The following CWH43 variants were observed in gnomAD, a reference collection of about 807,000 sequenced individuals.
CWH43 encodes PGAP2-interacting protein.
CWH43 carries 91 observed loss-of-function variants against 85.7 expected under a neutral mutation model. The observed-to-expected ratio is 1.06, with a 90% CI of 0.90 to 1.26. CWH43 has a LOEUF of 1.26. Ranked by LOEUF, CWH43 falls within the 50% of genes most tolerant of loss-of-function variation. CWH43 has a pLI of 0.00. For synonymous variants in CWH43, 323 were observed against 293.6 expected, an observed-to-expected ratio of 1.10 and a Z score of -1.02; for missense variants, 869 against 839.2, an observed-to-expected ratio of 1.04 and a Z score of -0.44.
At chr4:49,051,644 T>G (rs1232852267) in intron 15 of CWH43, among the ~76,000 whole-genome samples, 1 of 152,166 alleles carries the variant, frequency 6.6e-6, no homozygotes, top group Non-Finnish European at 1.5e-5. Flanking sequence ...TGGCATGATC[T>G]CAGCTCACTG....
At chr4:48,999,782 T>G (rs1782931306) in intron 6 of CWH43, among the ~76,000 whole-genome samples, 1 of 152,182 alleles carries the variant, frequency 6.6e-6, no homozygotes, top group African/African-American at 2.4e-5. Context: ...CTCCTTTACA[T>G]GTAACAGGGG....
chr4:49,004,262 A>G (rs1783083518), intron 7 of CWH43, among the ~76,000 whole-genome samples: 1 of 152,252 alleles, frequency 6.6e-6, no homozygotes, highest in South Asian at 2.1e-4. Context: ...GATTCAGTCC[A>G]TACTAAAGCG....
At chr4:48,987,979 A>T (rs1433456279) in intron 1 of CWH43, among the ~76,000 whole-genome samples, 1 of 152,116 alleles carries the variant, frequency 6.6e-6, no homozygotes, top group Non-Finnish European at 1.5e-5. Flanking sequence ...TCCTGACGGG[A>T]TGCCAAATTC....
At chr4:49,030,680 C>T in intron 10 of CWH43, 145 bp from the exon 11 acceptor site, 2 of 623,872 alleles carry the variant, frequency 3.2e-6, no homozygotes, top group Non-Finnish European at 4.8e-6. Flanking sequence ...TGAGCCACTT[C>T]TCTCTAGTGA....
Position 49,030,881 on chromosome 4 carries a change from A to G in CWH43, c.1429A>G (p.Asn477Asp). ...TGCTTCTAAGCCCTATATGGGGAAC[A>G]ATGACTTAACCATGTGGCTAGGGGA... ...SDASKPYMGN[N>D]DLTMWLGEKL... Residue 477 changes from asparagine (N) to aspartate (D), a missense_variant, in exon 11 of 16, where the codon AAT (asparagine) becomes GAT (aspartate). Transcript: ENST00000226432. The G allele has an allele frequency of 5.0e-6, 8 of 1,610,872 alleles. No homozygotes were observed. The highest frequency in any genetic ancestry group is 5.9e-6 in the Non-Finnish European group (7 of 1,178,860).
At chr4:49,017,170 G>C in intron 8 of CWH43, 79 bp from the exon 9 acceptor site, 1 of 1,169,130 alleles carries the variant, frequency 8.6e-7, no homozygotes, top group Non-Finnish European at 1.2e-6. Context: ...TGGAGCTGAG[G>C]CACTGAAGGT....
intron 7 of CWH43, among the ~76,000 whole-genome samples, chr4:49,005,563 CTTT>C (rs1267997352): frequency 3.9e-5 from 5 of 127,924 alleles, no homozygotes; most frequent in Admixed American, 7.9e-5. Flanking sequence ...TTTTTTTTTT[CTTT>C]TTTTTTTTTT....
chr4:49,017,422 A>G, intron 9 of CWH43, 94 bp downstream of exon 9: 1 of 854,750 alleles, frequency 1.2e-6, no homozygotes, highest in Non-Finnish European at 1.8e-6. Flanking sequence ...CCTGGATCTG[A>G]TGACTTCAGA....
At chr4:49,060,686 C>G (rs1449900602) in intron 15 of CWH43, among the ~76,000 whole-genome samples, 2 of 152,174 alleles carry the variant, frequency 1.3e-5, no homozygotes, top group Non-Finnish European at 2.9e-5. Context: ...TCTTATTTCT[C>G]TAATACATTC....
At chr4:49,006,631 GTAAACTT>G (rs1783165470) in intron 7 of CWH43, among the ~76,000 whole-genome samples, 4 of 152,278 alleles carry the variant, frequency 2.6e-5, no homozygotes, top group Admixed American at 2.6e-4. Context: ...GATGAAGTAA[GTAAACTT>G]TAAGTGTAAG....
At chr4:49,017,375 T>A (rs1398560468) in intron 9 of CWH43, 47 bp downstream of exon 9, 1 of 1,301,736 alleles carries the variant, frequency 7.7e-7, no homozygotes. Context: ...GGTATATATA[T>A]GTGCATATAT....
chr4:48,994,349 C>A lies in CWH43; in HGVS notation c.512-270C>A, dbSNP rs56945478. On this transcript the variant is annotated intron_variant, in intron 4 of 15. Coordinates refer to ENST00000226432, the MANE Select transcript of CWH43 (RefSeq NM_025087.3). ...TGCAATGCGTTAGCTTCACATGAAG[C>A]AAATAATTTTCTGCATTTTCACCTG... Among the ~76,000 whole-genome samples the A allele has an allele frequency of 5.8e-3, 881 of 152,282 alleles. 12 individuals are homozygous for A. Among genetic ancestry groups the A allele is most frequent in the African/African-American group, 0.021 (855 of 41,558 alleles).
intron 2 of CWH43, among the ~76,000 whole-genome samples, chr4:48,990,143 ATGGTAAGGG>A (rs1782613921): frequency 6.6e-6 from 1 of 152,188 alleles, no homozygotes; most frequent in Admixed American, 6.5e-5. Flanking sequence ...ACTTCTGGTG[ATGGTAAGGG>A]ATGTGATATA....
chr4:49,006,837 G>A (rs1414099738), intron 7 of CWH43, among the ~76,000 whole-genome samples: 3 of 152,118 alleles, frequency 2.0e-5, no homozygotes, highest in Admixed American at 6.6e-5. Context: ...CCTGGTGCAC[G>A]GAAGGGCTCT....
In CWH43 at chr4:49,038,103, G is replaced by A. The variant is rs1784317392; in HGVS notation, c.1726G>A (p.Val576Met). Residue 576 changes from valine (V) to methionine (M), a missense_variant, in exon 13 of 16, where the codon GTG becomes ATG. Val to Met is a conservative substitution (Grantham distance 21). Around this residue, in one of 3 missense-constraint regions of CWH43, gnomAD observed 577 missense variants for 513.1 expected, o/e 1.12. Coordinates refer to ENST00000226432, the MANE Select transcript of CWH43 (RefSeq NM_025087.3). Reference protein sequence around the residue: ...SKLLKSSSNQVIFLGYITSAP... With the variant: ...SKLLKSSSNQMIFLGYITSAP... ...ACTACTGAAAAGTAGCTCTAATCAA[G>A]TGATATTTCTGGGATATATCACTTC... The A allele has an allele frequency of 6.2e-7, 1 of 1,612,918 alleles. No homozygotes were observed. Among genetic ancestry groups the A allele is most frequent in the Non-Finnish European group, 8.5e-7 (1 of 1,179,404 alleles).
intron 1 of CWH43, among the ~76,000 whole-genome samples, chr4:48,987,365 T>C (rs558656304): frequency 6.6e-6 from 1 of 151,058 alleles, no homozygotes; most frequent in African/African-American, 2.5e-5. Context: ...GGGTTGAAAG[T>C]CCTATTTTGC....
chr4:49,031,777 G>T (rs1337642688), intron 11 of CWH43, among the ~76,000 whole-genome samples: 1 of 152,170 alleles, frequency 6.6e-6, no homozygotes, highest in Non-Finnish European at 1.5e-5. Context: ...AGAACCAACA[G>T]AACTTACAAT....
In CWH43 at chr4:49,050,717, A is replaced by T; in HGVS notation, c.1889A>T (p.His630Leu). 1 of 1,613,504 alleles carries T rather than the reference A, an allele frequency of 6.2e-7. No homozygotes were observed. Among genetic ancestry groups the T allele is most frequent in the Non-Finnish European group, 8.5e-7 (1 of 1,179,584 alleles). Residue 630 changes from histidine to leucine, a missense_variant, in exon 15 of 16, where the codon CAT becomes CTT. This residue lies in a region of CWH43 where 577 missense variants were observed against 513.1 expected (regional missense o/e 1.12). Coordinates refer to ENST00000226432, the MANE Select transcript of CWH43 (RefSeq NM_025087.3). ...LIRLGYARIS[H>L]AELSDSEIQM... is the part of the protein sequence containing the mutation. ...AGGTTGGGTTATGCAAGAATCTCCC[A>T]TGCTGAACTGAGTGATTCAGAAATT...
chr4:48,993,550 A>G (rs1229288613), intron 4 of CWH43, among the ~76,000 whole-genome samples: 1 of 152,158 alleles, frequency 6.6e-6, no homozygotes, highest in African/African-American at 2.4e-5. Context: ...TCTGCCCAAT[A>G]GGCTCTCTCT....
Sources: allele counts gnomAD v4.1 joint callset (sites outside exome capture counted in the v4.1 genomes callset), GRCh38; gene constraint gnomAD v4.1.1; regional missense constraint gnomAD v4.1.1; transcripts MANE v1.5; gene names NCBI Gene and HGNC (gene_info 2026-07-23, HGNC 2026-07-21).